Variants in PLXNC1 observed in about 807,000 individuals in gnomAD.
PLXNC1 encodes plexin C1, also known as plexin-C1.
A neutral mutation model predicts 178.2 loss-of-function variants in PLXNC1; 75 were observed. That is an observed-to-expected ratio of 0.42 (90% CI 0.35 to 0.51). The LOEUF is 0.51. Among genes scored for constraint, PLXNC1 ranks in the 20% least tolerant of loss-of-function variants. The pLI is 0.02. For synonymous variants in PLXNC1, 790 were observed against 779.9 expected (o/e 1.01, Z -0.22); for missense variants, 1,503 against 1,984.4 (o/e 0.76, Z 4.61).
At chr12:94,225,139 C>A (rs1963903672) in intron 7 of PLXNC1, among the ~76,000 whole-genome samples, 1 of 152,132 alleles carries the variant, frequency 6.6e-6, no homozygotes, top group African/African-American at 2.4e-5. Context: ...TCTAAAGCAG[C>A]AAGAGGACAG....
At chr12:94,159,981 C>T (rs1201461804) in intron 1 of PLXNC1, among the ~76,000 whole-genome samples, 3 of 152,140 alleles carry the variant, frequency 2.0e-5, no homozygotes, top group Non-Finnish European at 2.9e-5. Context: ...GTTTTTAAGA[C>T]GTGGAGGACC....
chr12:94,177,179 ATATATATGTATATATATATACG>A (rs1962104096), intron 2 of PLXNC1, among the ~76,000 whole-genome samples: 2 of 31,556 alleles, frequency 6.3e-5, no homozygotes, highest in East Asian at 1.9e-3. Context: ...ATATATACGT[ATATATATGTATATATATATACG>A]TATATATATA....
intron 1 of PLXNC1, among the ~76,000 whole-genome samples, chr12:94,168,601 G>C (rs187330551): frequency 7.9e-4 from 120 of 152,288 alleles, no homozygotes; most frequent in African/African-American, 2.8e-3. Context: ...GTCCACAACT[G>C]TATCTTTACC....
At chr12:94,207,188 G>A (rs1963325753) in intron 4 of PLXNC1, among the ~76,000 whole-genome samples, 1 of 152,046 alleles carries the variant, frequency 6.6e-6, no homozygotes, top group Non-Finnish European at 1.5e-5. Context: ...ATTTGTACTG[G>A]TGAGAGGCAA....
At position 94,298,619 on chromosome 12, in the gene PLXNC1, G is replaced by GTCTA. The variant is rs774120124; in HGVS notation, c.4075-9_4075-6dup. 1 of 1,574,580 alleles carries GTCTA rather than the reference G, an allele frequency of 6.4e-7. No homozygotes were observed. The highest frequency in any genetic ancestry group is 8.6e-7 in the Non-Finnish European group (1 of 1,165,734). ...TTTTTAATCTCCCAAATCTGATGTT[G>GTCTA]TCTATCTTTCAGGTGGCAATTCATT... is the stretch of plus-strand genomic sequence containing the variant. On this transcript the variant is annotated splice_polypyrimidine_tract_variant and intron_variant, in intron 26 of 30. Coordinates refer to ENST00000258526, the MANE Select transcript of PLXNC1 (RefSeq NM_005761.3).
At chr12:94,269,677 A>G (rs1052296062) in intron 21 of PLXNC1, among the ~76,000 whole-genome samples, 1 of 152,222 alleles carries the variant, frequency 6.6e-6, no homozygotes, top group African/African-American at 2.4e-5. Context: ...CACTTCAGCA[A>G]TCTTGTTTTT....
chr12:94,219,358 G>T (rs989576191), intron 5 of PLXNC1, among the ~76,000 whole-genome samples: 34 of 152,120 alleles, frequency 2.2e-4, no homozygotes, highest in African/African-American at 8.0e-4. Flanking sequence ...TTAATAAATG[G>T]CTGTGACATA....
intron 2 of PLXNC1, among the ~76,000 whole-genome samples, chr12:94,180,131 T>C (rs1420840494): frequency 1.3e-5 from 2 of 152,062 alleles, no homozygotes; most frequent in Non-Finnish European, 2.9e-5. Context: ...TGGCCTCCTC[T>C]CTCTCATCTA....
At chr12:94,279,734 C>CCCCCCCTCCCTG (rs1565853345) in intron 22 of PLXNC1, 85 bp downstream of exon 22, 2 of 174,584 alleles carry the variant, frequency 1.1e-5, no homozygotes, top group Non-Finnish European at 1.5e-5. Flanking sequence ...CCCCTCCCTG[C>CCCCCCCTCCCTG]CCCCACCAGC....
chr12:94,276,559 G>T (rs1436123734), intron 21 of PLXNC1, among the ~76,000 whole-genome samples: 1 of 152,224 alleles, frequency 6.6e-6, no homozygotes, highest in Non-Finnish European at 1.5e-5. Context: ...GGCAAATCTG[G>T]CTTCAATTCC....
chr12:94,250,073 C>T (rs999811247), intron 14 of PLXNC1, among the ~76,000 whole-genome samples: 11 of 152,036 alleles, frequency 7.2e-5, no homozygotes, highest in African/African-American at 1.7e-4. Context: ...TGGGGTAGAA[C>T]GTTCTAGGCA....
chr12:94,162,421 G>A (rs774503964), intron 1 of PLXNC1, among the ~76,000 whole-genome samples: 1 of 152,214 alleles, frequency 6.6e-6, no homozygotes, highest in Non-Finnish European at 1.5e-5. Context: ...TCAGGGATCA[G>A]CTCAGGGAGA....
chr12:94,150,283 T>C (rs1960909069), intron 1 of PLXNC1, among the ~76,000 whole-genome samples: 1 of 151,946 alleles, frequency 6.6e-6, no homozygotes, highest in Non-Finnish European at 1.5e-5. Flanking sequence ...GGAGTTAGAC[T>C]CAAAACTCTA....
intron 1 of PLXNC1, among the ~76,000 whole-genome samples, chr12:94,164,256 A>G (rs757966089): frequency 1.6e-4 from 25 of 152,242 alleles, no homozygotes; most frequent in Non-Finnish European, 3.1e-4. Context: ...TGTCATGTAC[A>G]AGAAATTGAT....
chr12:94,227,673 C>T (rs983032099), intron 9 of PLXNC1, among the ~76,000 whole-genome samples: 1 of 152,004 alleles, frequency 6.6e-6, no homozygotes, highest in African/African-American at 2.4e-5. Context: ...GGACGTCTAA[C>T]CAGTAGTGAA....
chr12:94,260,536 C>A lies in PLXNC1; in HGVS notation c.3252-106C>A. On this transcript the variant is annotated intron_variant, in intron 19 of 30. Transcript: ENST00000258526. This position sits in a 1 kb window ranked among gnomAD's most constrained non-coding sequence, Gnocchi z 4.4. ...AAAAAAAAAAAAAAAAAGCTCCCAA[C>A]CCAACAGGCCAGCTCCCTGCCCTGC... The A allele has an allele frequency of 6.0e-6, 4 of 663,658 alleles. No individual in the cohort carries two copies. Among genetic ancestry groups the A allele is most frequent in the Non-Finnish European group, 1.0e-5 (4 of 397,778 alleles). The allele number at this position is 663,658 out of a possible 1,614,324, so 41.1% of individuals were successfully genotyped here.
chr12:94,185,052 C>T (rs1310983202), intron 3 of PLXNC1, among the ~76,000 whole-genome samples: 2 of 152,320 alleles, frequency 1.3e-5, no homozygotes, highest in African/African-American at 2.4e-5. Flanking sequence ...CCCATGAAGT[C>T]GTGATCCATT....
At chr12:94,223,131 C>T (rs945473121) in intron 6 of PLXNC1, among the ~76,000 whole-genome samples, 4 of 152,130 alleles carry the variant, frequency 2.6e-5, no homozygotes, top group East Asian at 1.9e-4. Flanking sequence ...AGCACCCTCT[C>T]GGCCAGGCAT....
intron 9 of PLXNC1, among the ~76,000 whole-genome samples, chr12:94,228,807 A>G (rs1243721738): frequency 1.3e-5 from 2 of 152,124 alleles, no homozygotes; most frequent in Admixed American, 1.3e-4. Flanking sequence ...TCATCCATGG[A>G]TTAACGCTTG....
Sources: gnomAD v4.1 joint callset for allele counts (sites outside exome capture counted in the v4.1 genomes callset) on GRCh38, gnomAD v4.1.1 for gene constraint, Gnocchi (gnomAD v3.1) non-coding constraint, MANE v1.5 for transcripts, NCBI Gene and HGNC (gene_info 2026-07-23, HGNC 2026-07-21) for gene names.